DMD: variants seen among roughly 807,000 people sequenced by gnomAD.
DMD encodes dystrophin.
DMD carries 63 observed loss-of-function variants against 330.1 expected under a neutral mutation model. The ratio of observed to expected loss-of-function variants is 0.19; its 90% CI spans 0.16 to 0.24. DMD has a LOEUF of 0.24. Ranked by LOEUF, DMD falls within the 10% of genes least tolerant of loss-of-function variation. The pLI is 1.00. For synonymous variants in DMD, 1,223 were observed against 959.8 expected (o/e 1.27, Z -5.07); for missense variants, 3,344 against 2,684.1 (o/e 1.25, Z -5.43).
At chrX:33,121,967 T>C (rs1194174486) in intron 1 of DMD, among the ~76,000 whole-genome samples, 3 of 112,539 alleles carry the variant, frequency 2.7e-5, no homozygotes, top group East Asian at 5.6e-4. Context: ...GGTTCATGCC[T>C]GTAATCTCAA....
chrX:32,657,808 G>A (rs1487673676), intron 9 of DMD, among the ~76,000 whole-genome samples: 1 of 111,484 alleles, frequency 9.0e-6, no homozygotes, highest in African/African-American at 3.3e-5. Flanking sequence ...TTAATCCTAA[G>A]TTTAACAATT....
chrX:32,497,370 T>A (rs1307979544), intron 19 of DMD, among the ~76,000 whole-genome samples: 3 of 111,946 alleles, frequency 2.7e-5, no homozygotes, highest in Non-Finnish European at 5.6e-5. Context: ...TACTAATAAT[T>A]ACTACTTTTA....
At chrX:32,725,376 A>T (rs746343023) in intron 7 of DMD, among the ~76,000 whole-genome samples, 5 of 110,769 alleles carry the variant, frequency 4.5e-5, no homozygotes, top group Admixed American at 3.9e-4. Flanking sequence ...ACATGCTATG[A>T]TTCTACAAAA....
chrX:32,482,662 T>C (rs1296724887), intron 21 of DMD, among the ~76,000 whole-genome samples: 1 of 111,744 alleles, frequency 8.9e-6, no homozygotes, highest in East Asian at 2.8e-4. Flanking sequence ...TGCTTTTAGT[T>C]ATTCAAACCC....
At chrX:33,056,675 T>A (rs1313886732) in intron 1 of DMD, among the ~76,000 whole-genome samples, 3 of 111,665 alleles carry the variant, frequency 2.7e-5, no homozygotes, top group Non-Finnish European at 5.6e-5. Context: ...CCTGCGCTTT[T>A]TATAAATTCA....
chrX:32,504,564 T>A (rs2044422375), intron 18 of DMD, among the ~76,000 whole-genome samples: 1 of 109,277 alleles, frequency 9.2e-6, no homozygotes, highest in Admixed American at 9.8e-5. Context: ...GAGGCAGAGG[T>A]TGCAGTGAGC....
intron 61 of DMD, among the ~76,000 whole-genome samples, chrX:31,334,398 T>C (rs1233362292): frequency 8.9e-6 from 1 of 111,833 alleles, no homozygotes; most frequent in African/African-American, 3.3e-5. Context: ...TGGATTTGCA[T>C]GTAGCCTCAG....
chrX:31,247,674 C>T (rs945001380), intron 63 of DMD, among the ~76,000 whole-genome samples: 1 of 109,413 alleles, frequency 9.1e-6, no homozygotes, highest in Non-Finnish European at 1.9e-5. Context: ...GATAGGAGGT[C>T]GTCAAAATAT....
chrX:31,324,482 G>GTT (rs35543536), intron 61 of DMD, among the ~76,000 whole-genome samples: 11 of 107,470 alleles, frequency 1.0e-4, no homozygotes, highest in African/African-American at 3.1e-4. Context: ...TGATCTGATG[G>GTT]TTTTTTTTCT....
chrX:31,716,880 T>C (rs2085106434), intron 52 of DMD, among the ~76,000 whole-genome samples: 1 of 109,633 alleles, frequency 9.1e-6, no homozygotes, highest in African/African-American at 3.3e-5. Flanking sequence ...TATACACATA[T>C]ATTTAAACTT....
At chrX:32,335,615 AAACATGTTATATACATAACATATACAT>A (rs1391241998) in intron 41 of DMD, among the ~76,000 whole-genome samples, 50 of 106,922 alleles carry the variant, frequency 4.7e-4, no homozygotes, top group Non-Finnish European at 7.3e-4. Context: ...ATTATAAAAC[AAACATGTTATATACATAACATATACAT>A]AACATGTTAT....
At chrX:32,298,514 C>CATATATAT (rs57786574) in intron 42 of DMD, among the ~76,000 whole-genome samples, 11,228 of 104,344 alleles carry the variant, frequency 0.11, 1,001 homozygotes, top group East Asian at 0.43. Flanking sequence ...ATATAAAAGG[C>CATATATAT]ATATATATAT....
chrX:33,158,204 A>G (rs2048601183), intron 1 of DMD, among the ~76,000 whole-genome samples: 1 of 111,857 alleles, frequency 8.9e-6, no homozygotes, highest in Non-Finnish European at 1.9e-5. Context: ...ATATTTCTGT[A>G]TCATATTTTA....
intron 7 of DMD, among the ~76,000 whole-genome samples, chrX:32,721,255 T>C (rs2066277559): frequency 9.0e-6 from 1 of 110,935 alleles, no homozygotes. Context: ...GGTAGTTCTA[T>C]TTTTAACTTT....
chrX:32,357,700 G>C (rs752833689), intron 37 of DMD, among the ~76,000 whole-genome samples: 7 of 92,246 alleles, frequency 7.6e-5, no homozygotes, highest in East Asian at 3.3e-4. Context: ...CACACACACA[G>C]AGCACATCAA....
intron 64 of DMD, among the ~76,000 whole-genome samples, 153 bp from the exon 65 acceptor site, chrX:31,209,852 T>A (rs1344644509): frequency 1.8e-5 from 2 of 112,024 alleles, no homozygotes. Flanking sequence ...GTTTTATTTT[T>A]ATGCCTCGAC....
At chrX:31,783,690 TATAGTCTAA>T (rs1163142810) in intron 50 of DMD, among the ~76,000 whole-genome samples, 1 of 111,095 alleles carries the variant, frequency 9.0e-6, no homozygotes, top group Non-Finnish European at 1.9e-5. Context: ...CATATGTATA[TATAGTCTAA>T]ATATATATAT....
chrX:33,235,470 A>G lies in DMD; in HGVS notation c.7+103789T>C, dbSNP rs138508259. On this transcript the variant is annotated intron_variant, in intron 1 of 17. Coordinates refer to the DMD transcript ENST00000288447. The stretch of plus-strand genomic sequence containing the variant: ...ATTTCTAAAATCAATATGTCTTAAA[A>G]TCATTAGTGTATAGCGTTTAGGGGT... Among the ~76,000 whole-genome samples the G allele has an allele frequency of 3.8e-3, 431 of 112,227 alleles. 1 individual carries two copies. Among genetic ancestry groups the G allele is most frequent in the African/African-American group, 0.014 (417 of 30,882 alleles).
intron 1 of DMD, among the ~76,000 whole-genome samples, chrX:33,153,084 A>G (rs989270180): frequency 8.9e-6 from 1 of 112,658 alleles, no homozygotes; most frequent in Non-Finnish European, 1.9e-5. Flanking sequence ...TTGGGCTACA[A>G]ATCATTTATA....
Sources: allele counts gnomAD v4.1 joint callset (sites outside exome capture counted in the v4.1 genomes callset), GRCh38; gene constraint gnomAD v4.1.1; transcripts MANE v1.5; gene names NCBI Gene and HGNC (gene_info 2026-07-23, HGNC 2026-07-21).